The following PARVG variants were observed in gnomAD, a reference collection of about 807,000 sequenced individuals.
PARVG encodes parvin gamma, also known as gamma-parvin.
Under a neutral mutation model 44.4 loss-of-function variants are expected in PARVG, and 36 were observed. The ratio of observed to expected loss-of-function variants is 0.81; its 90% confidence interval spans 0.62 to 1.07. The LOEUF (loss-of-function observed/expected upper bound fraction) is 1.07, where lower values mean the gene tolerates loss of function less well. Ranked by LOEUF, PARVG falls within the 50% of genes least tolerant of loss-of-function variation. PARVG has a pLI of 0.00. For synonymous variants in PARVG, 170 were observed against 174.1 expected, an observed-to-expected ratio of 0.98 and a Z score of 0.19; for missense variants, 407 against 407.4, an observed-to-expected ratio of 1.00 and a Z score of 0.01.
chr22:44,174,245 G>A (rs1409341665), intron 1 of PARVG, among the ~76,000 whole-genome samples: 1 of 152,066 alleles, frequency 6.6e-6, no homozygotes, highest in African/African-American at 2.4e-5. Context: ...AAGGAAGGGT[G>A]CAGGTGGGGC....
At chr22:44,196,475 G>A (rs1183710513) in intron 11 of PARVG, 60 bp downstream of exon 11, 2 of 1,594,958 alleles carry the variant, frequency 1.3e-6, no homozygotes, top group Non-Finnish European at 1.7e-6. Flanking sequence ...AGGAAGGAAA[G>A]AGGGTTCTGC....
At position 44,174,201 on chromosome 22, in the gene PARVG, G is replaced by A. The variant is rs569423721; in HGVS notation, c.-189+1010G>A. 2.1e-4 allele frequency among the ~76,000 whole-genome samples: 32 copies of A among 151,874 alleles called. No individual in the cohort carries two copies. The East Asian group carries it at 2.3e-3, about 11-fold the overall frequency. ...GAAAATGCCCAGAAAGGAGGGGTGC[G>A]GGTGGGGCAGGGGAGTGAGAGGGAA... On this transcript the variant is annotated intron_variant, in intron 1 of 13. Coordinates refer to the PARVG transcript ENST00000422871.
chr22:44,185,553 T>C (rs890145098), intron 3 of PARVG: 5 of 392,414 alleles, frequency 1.3e-5, no homozygotes, highest in Non-Finnish European at 2.4e-5. Flanking sequence ...ATATCAAACA[T>C]AGGATACCCA....
chr22:44,204,486 G>A (rs2054752367), intron 12 of PARVG, among the ~76,000 whole-genome samples: 1 of 152,228 alleles, frequency 6.6e-6, no homozygotes, highest in African/African-American at 2.4e-5. Context: ...CAGGGATGGG[G>A]GTGGCAGTAC....
chr22:44,201,302 G>T (rs1037809910), intron 12 of PARVG, among the ~76,000 whole-genome samples: 8 of 152,300 alleles, frequency 5.3e-5, no homozygotes, highest in African/African-American at 1.9e-4. Context: ...CCCTGTGAGA[G>T]CGGGGCAGGG....
Position 44,203,052 on chromosome 22 carries a change from A to T in PARVG, c.814-2705A>T, listed in dbSNP as rs138054139. ...ATCTCTGGACAGAGCATCATGAGAT[A>T]GCTCTGGAGCCAGGGTCAGCTCTTA... On this transcript the variant is annotated intron_variant, in intron 12 of 13. Transcript: ENST00000444313. Among the ~76,000 whole-genome samples, 1,058 of 152,300 alleles carry T rather than the reference A, an allele frequency of 6.9e-3. 12 individuals are homozygous for T. The highest frequency in any genetic ancestry group is 0.024 in the African/African-American group (1,001 of 41,550).
At chr22:44,196,011 C>A in intron 9 of PARVG, 144 bp from the exon 10 acceptor site, 1 of 822,918 alleles carries the variant, frequency 1.2e-6, no homozygotes, top group Non-Finnish European at 1.9e-6. Flanking sequence ...AAATCCAGGT[C>A]TGTTTTATTT....
chr22:44,206,081 G>T (rs1455394481), intron 13 of PARVG, among the ~76,000 whole-genome samples: 3 of 152,128 alleles, frequency 2.0e-5, no homozygotes, highest in Non-Finnish European at 4.4e-5. Context: ...AGACCTTGAG[G>T]AGTTGCTGTG....
At chr22:44,198,774 T>C (rs1377599810) in intron 12 of PARVG, 52 bp downstream of exon 12, 1 of 1,391,882 alleles carries the variant, frequency 7.2e-7, no homozygotes, top group African/African-American at 1.4e-5. Flanking sequence ...TGAACAGATA[T>C]ACAGAACTGG....
intron 11 of PARVG, among the ~76,000 whole-genome samples, 193 bp downstream of exon 11, chr22:44,196,608 G>GGT (rs1555918166): frequency 2.0e-5 from 3 of 152,016 alleles, no homozygotes; most frequent in Non-Finnish European, 2.9e-5. Flanking sequence ...TGGGATCCCG[G>GGT]GGGTGGAGGT....
chr22:44,193,536 C>T (rs555594374), intron 8 of PARVG, among the ~76,000 whole-genome samples: 1 of 152,148 alleles, frequency 6.6e-6, no homozygotes, highest in African/African-American at 2.4e-5. Context: ...TCCCTCAGAA[C>T]AGAACACGAA....
chr22:44,190,030 C>G (rs565123093), intron 6 of PARVG, among the ~76,000 whole-genome samples: 2 of 152,194 alleles, frequency 1.3e-5, no homozygotes, highest in South Asian at 2.1e-4. Context: ...CCCCCCACCC[C>G]ACCCAGATGA....
intron 9 of PARVG, among the ~76,000 whole-genome samples, chr22:44,194,663 A>C (rs1371524143): frequency 1.9e-3 from 183 of 97,090 alleles, no homozygotes; most frequent in Middle Eastern, 8.2e-3. Flanking sequence ...TCCATCCATC[A>C]ACCTATCCAT....
At chr22:44,188,260 G>T in intron 5 of PARVG, 1 of 218,166 alleles carries the variant, frequency 4.6e-6, no homozygotes, top group Non-Finnish European at 9.4e-6. Context: ...GGTGGCTGGG[G>T]GCAGGGCTGG....
chr22:44,179,016 G>A (rs1429498782), upstream of PARVG, among the ~76,000 whole-genome samples: 2 of 151,778 alleles, frequency 1.3e-5, no homozygotes, highest in African/African-American at 4.8e-5. The surrounding 1 kb of genome is among the most constrained non-coding windows in gnomAD (Gnocchi z 4.2). Context: ...AAAAATTTTA[G>A]TTGTGGTTAA....
intron 1 of PARVG, among the ~76,000 whole-genome samples, chr22:44,175,205 A>G (rs1013836169): frequency 7.9e-5 from 12 of 152,208 alleles, no homozygotes; most frequent in Admixed American, 2.6e-4. Flanking sequence ...AGGCCCCCCA[A>G]TTCAGCCGTC....
intron 12 of PARVG, among the ~76,000 whole-genome samples, chr22:44,204,722 C>T (rs2054755972): frequency 6.6e-6 from 1 of 152,226 alleles, no homozygotes; most frequent in South Asian, 2.1e-4. Flanking sequence ...GGGACCAGCA[C>T]AGCTGACCCC....
At chr22:44,186,548 A>T in intron 4 of PARVG, 1 of 470,800 alleles carries the variant, frequency 2.1e-6, no homozygotes, top group East Asian at 7.0e-5. Flanking sequence ...CCCTCACTCC[A>T]TCCATCCACC....
intron 11 of PARVG, 122 bp from the exon 12 acceptor site, chr22:44,198,496 CTCA>C (rs2054647658): frequency 6.6e-6 from 5 of 753,788 alleles, no homozygotes; most frequent in South Asian, 5.0e-5. Flanking sequence ...TTCCCCACTT[CTCA>C]TCAAGGCACC....
Sources: allele counts gnomAD v4.1 joint callset (sites outside exome capture counted in the v4.1 genomes callset), GRCh38; gene constraint gnomAD v4.1.1; non-coding constraint Gnocchi (gnomAD v3.1); transcripts MANE v1.5; gene names NCBI Gene and HGNC (gene_info 2026-07-23, HGNC 2026-07-21).